NOTCH2NLA: variants seen among roughly 807,000 people sequenced by gnomAD.
The protein encoded by NOTCH2NLA is notch 2 N-terminal like A, also known as notch homolog 2 N-terminal-like protein A.
At chr1:146,200,375 A>G (rs1663355729) in intron 1 of NOTCH2NLA, among the ~76,000 whole-genome samples, 1 of 74,486 alleles carries the variant, frequency 1.3e-5, no homozygotes, top group Non-Finnish European at 2.7e-5. Context: ...ATGAGCCGAG[A>G]TTGTGCCACT....
At chr1:146,159,343 G>A (rs1553803665) in intron 3 of NOTCH2NLA, among the ~76,000 whole-genome samples, 1 of 145,204 alleles carries the variant, frequency 6.9e-6, no homozygotes, top group African/African-American at 2.6e-5. Flanking sequence ...AGAGTGAGAA[G>A]AAAGAAAGAC....
chr1:146,186,433 C>T (rs1452360786), intron 2 of NOTCH2NLA, among the ~76,000 whole-genome samples: 2 of 144,378 alleles, frequency 1.4e-5, no homozygotes, highest in African/African-American at 5.0e-5. Flanking sequence ...TGGCTCACTG[C>T]AAGCTCCGCC....
intron 3 of NOTCH2NLA, among the ~76,000 whole-genome samples, chr1:146,159,449 G>GAA (rs1661374614): frequency 2.3e-5 from 3 of 133,106 alleles, no homozygotes; most frequent in African/African-American, 8.2e-5. Context: ...GAAAGAAAGA[G>GAA]AAAGAAAGAA....
In NOTCH2NLA at chr1:146,182,682, TA is replaced by T. The variant is rs1553809434; in HGVS notation, c.38+6617del. On this transcript the variant is annotated intron_variant, in intron 2 of 4. Transcript: ENST00000362074. ...TAACACAGTGAAACCCCGTCTCTAC[TA>T]AAAATACAAAAAATTAGCCGGGTGT... 2.3e-5 allele frequency among the ~76,000 whole-genome samples: 3 copies of T among 131,154 alleles called. No homozygotes were observed. The East Asian group carries it at 5.9e-4, about 26-fold the overall frequency. 86.0% of individuals were successfully genotyped at this position (131,154 alleles called of 152,430 possible).
At chr1:146,159,393 G>GAGAAAGAAAGAAAGAAAGAA (rs201617510) in intron 3 of NOTCH2NLA, among the ~76,000 whole-genome samples, 152 of 111,132 alleles carry the variant, frequency 1.4e-3, no homozygotes, top group Non-Finnish European at 1.3e-3. Context: ...GAGAAAGAGA[G>GAGAAAGAAAGAAAGAAAGAA]AGAAAGAAAG....
At chr1:146,159,447 G>GAAAGAAAGAAAGAA (rs1437002440) in intron 3 of NOTCH2NLA, among the ~76,000 whole-genome samples, 4 of 135,786 alleles carry the variant, frequency 2.9e-5, no homozygotes, top group Admixed American at 7.4e-5. Flanking sequence ...AAGAAAGAAA[G>GAAAGAAAGAAAGAA]AGAAAGAAAG....
Position 146,188,091 on chromosome 1 carries a change from T to C in NOTCH2NLA, c.38+1209A>G, listed in dbSNP as rs587724557. Among the ~76,000 whole-genome samples, 8 of 126,110 alleles carry C rather than the reference T, an allele frequency of 6.3e-5. No homozygotes were observed. In the East Asian group the frequency reaches 1.3e-3, roughly 20 times the overall value. 82.7% of individuals were successfully genotyped at this position (126,110 alleles called of 152,430 possible). A position where few individuals can be genotyped will look rare whatever the true frequency, so the allele number is the denominator to read the frequency against. On this transcript the variant is annotated intron_variant, in intron 2 of 4. Transcript: ENST00000362074. Reference sequence around the variant, plus strand: ...TCACTGGAAAAAAGTTGTAATTACATTCCTGGTAAGAAATAAAAATGTGTT... The same window carrying C: ...TCACTGGAAAAAAGTTGTAATTACACTCCTGGTAAGAAATAAAAATGTGTT...
intron 2 of NOTCH2NLA, among the ~76,000 whole-genome samples, chr1:146,186,255 G>A (rs1407418114): frequency 7.4e-6 from 1 of 135,508 alleles, no homozygotes; most frequent in African/African-American, 2.5e-5. Context: ...CTCAAAACAG[G>A]AAAGACATCT....
At chr1:146,228,743 C>T in exon 1 of NOTCH2NLA, 3 of 1,570,262 alleles carry the variant, frequency 1.9e-6, no homozygotes, top group Middle Eastern at 2.2e-4. Context: ...GCCAGAGCGC[C>T]AGCAGCGCCC....
intron 1 of NOTCH2NLA, 125 bp downstream of exon 1, chr1:146,228,584 T>C: frequency 7.3e-7 from 1 of 1,362,698 alleles, no homozygotes. Context: ...ACCCAGCGAG[T>C]GGCCTCGCTC....
chr1:146,162,279 A>G (rs1661548732), intron 3 of NOTCH2NLA, among the ~76,000 whole-genome samples: 1 of 147,528 alleles, frequency 6.8e-6, no homozygotes. Flanking sequence ...ATGTATGAAG[A>G]ATAGTTGTAC....
intron 3 of NOTCH2NLA, among the ~76,000 whole-genome samples, chr1:146,157,228 G>A (rs1386773430): frequency 2.6e-5 from 4 of 151,546 alleles, no homozygotes; most frequent in Admixed American, 2.6e-4. Flanking sequence ...GAAGGCCGAG[G>A]CAGGCAGATC....
intron 3 of NOTCH2NLA, among the ~76,000 whole-genome samples, chr1:146,159,885 G>A (rs1282910218): frequency 2.8e-5 from 1 of 36,344 alleles, no homozygotes; most frequent in Non-Finnish European, 6.0e-5. Context: ...GAAGAATGGC[G>A]TGAACCCGGG....
At chr1:146,219,781 A>C (rs1664016299) in intron 1 of NOTCH2NLA, among the ~76,000 whole-genome samples, 1 of 38,382 alleles carries the variant, frequency 2.6e-5, no homozygotes, top group Admixed American at 3.1e-4. Flanking sequence ...ATATATGTAG[A>C]TCTGTTCATA....
chr1:146,160,018 A>G (rs1396761291), intron 3 of NOTCH2NLA, among the ~76,000 whole-genome samples: 2 of 101,048 alleles, frequency 2.0e-5, no homozygotes, highest in African/African-American at 6.3e-5. Context: ...CTTGCAGAAC[A>G]CACCAAGAAG....
At chr1:146,205,219 A>AAATT (rs1229443235) in intron 1 of NOTCH2NLA, among the ~76,000 whole-genome samples, 2 of 80,274 alleles carry the variant, frequency 2.5e-5, no homozygotes, top group East Asian at 4.8e-4. Flanking sequence ...GTGGTCTGCA[A>AAATT]AATTAGGTGT....
At chr1:146,174,393 TC>T (rs1662149789) in intron 2 of NOTCH2NLA, among the ~76,000 whole-genome samples, 2 of 118,718 alleles carry the variant, frequency 1.7e-5, no homozygotes, top group Admixed American at 9.0e-5. Flanking sequence ...TGCAGCTCTG[TC>T]TTTAGCTTTT....
chr1:146,186,960 A>G (rs1221200172), intron 2 of NOTCH2NLA, among the ~76,000 whole-genome samples: 3 of 133,736 alleles, frequency 2.2e-5, no homozygotes, highest in African/African-American at 7.5e-5. Context: ...TGCTGCACCT[A>G]TCAACCCGTC....
In NOTCH2NLA at chr1:146,195,132, G is replaced by C. The variant is rs1160273160; in HGVS notation, c.-44-5751C>G. Among the ~76,000 whole-genome samples the C allele has an allele frequency of 7.5e-4, 84 of 111,514 alleles. 25 individuals carry two copies. Among genetic ancestry groups the C allele is most frequent in the South Asian group, 2.7e-3 (9 of 3,306 alleles). 73.2% of individuals were successfully genotyped at this position (111,514 alleles called of 152,430 possible). A position where few individuals can be genotyped will look rare whatever the true frequency, so the allele number is the denominator to read the frequency against. The stretch of plus-strand genomic sequence containing the variant: ...TGCTTTTTCACTTTTAAGTTCCTGG[G>C]ATATGGAAAACATTTCGTCTTTTCT... On this transcript the variant is annotated intron_variant, in intron 1 of 4. Transcript: ENST00000362074.
Sources: allele counts gnomAD v4.1 joint callset (sites outside exome capture counted in the v4.1 genomes callset), GRCh38; gene constraint gnomAD v4.1.1; transcripts MANE v1.5; gene names NCBI Gene and HGNC (gene_info 2026-07-23, HGNC 2026-07-21).